Variants in PARD3 observed in about 807,000 individuals in gnomAD.
PARD3 encodes partitioning defective 3 homolog.
In PARD3, 75 loss-of-function variants were observed where a neutral mutation model predicts 155.4. The observed-to-expected ratio is 0.48, with a 90% CI of 0.40 to 0.58. PARD3 has a LOEUF of 0.58. Ranked by LOEUF, PARD3 falls within the 20% of genes least tolerant of loss-of-function variation. The pLI is 0.00. For missense variants in PARD3, 1,642 were observed against 1,721.7 expected (o/e 0.95, Z 0.82); for synonymous variants, 576 against 610.5 (o/e 0.94, Z 0.83).
intron 2 of PARD3, among the ~76,000 whole-genome samples, chr10:34,557,498 A>T (rs1436844064): frequency 1.3e-5 from 2 of 150,852 alleles, no homozygotes; most frequent in Admixed American, 1.3e-4. Context: ...TGTTTTTTTG[A>T]GATGGAGTTC....
At position 34,571,539 on chromosome 10, in the gene PARD3, A is replaced by G. The variant is rs545624904; in HGVS notation, c.223-54380T>C. Among the ~76,000 whole-genome samples the G allele has an allele frequency of 3.3e-5, 5 of 152,306 alleles. No individual in the cohort carries two copies. In the South Asian group the frequency reaches 1.0e-3, roughly 32 times the overall value. ...TAACCATTGCAAATCAGATACTATA[A>G]AACATAAAGTCACAAGGCTTCCTCT... On this transcript the variant is annotated intron_variant, in intron 2 of 24. Transcript: ENST00000374788.
At chr10:34,194,422 C>A (rs1950849305) in intron 22 of PARD3, among the ~76,000 whole-genome samples, 1 of 152,016 alleles carries the variant, frequency 6.6e-6, no homozygotes, top group Non-Finnish European at 1.5e-5. Flanking sequence ...CGTCCCTGTG[C>A]CTCACTCCTC....
At chr10:34,695,477 CAAA>C (rs60331770) in intron 2 of PARD3, among the ~76,000 whole-genome samples, 2 of 109,546 alleles carry the variant, frequency 1.8e-5, no homozygotes, top group Non-Finnish European at 1.8e-5. Context: ...GACTCCATCT[CAAA>C]AAAAAAAAAA....
At chr10:34,282,172 A>T (rs372360151) in intron 21 of PARD3, among the ~76,000 whole-genome samples, 1 of 148,770 alleles carries the variant, frequency 6.7e-6, no homozygotes, top group Non-Finnish European at 1.5e-5. Flanking sequence ...TACAAAATCC[A>T]TAAGTTTAAA....
chr10:34,323,427 T>C lies in PARD3; in HGVS notation c.2834-6089A>G, dbSNP rs117764622. On this transcript the variant is annotated intron_variant, in intron 19 of 24. Coordinates refer to ENST00000374788, the MANE Select transcript of PARD3 (RefSeq NM_001184785.2). ...CATGGGGTGAGAATAATAACTGATA[T>C]GATGAAGACTGTGAGGAGGTAAAAA... 2.8e-3 allele frequency among the ~76,000 whole-genome samples: 423 copies of C among 152,158 alleles called. 4 individuals are homozygous for C. The East Asian group carries it at 0.032, about 12-fold the overall frequency.
At chr10:34,598,900 C>T (rs962746971) in intron 2 of PARD3, among the ~76,000 whole-genome samples, 5 of 152,158 alleles carry the variant, frequency 3.3e-5, no homozygotes, top group Admixed American at 2.6e-4. Context: ...GATGGCCTTC[C>T]AGAGTCCAGC....
chr10:34,405,965 A>G (rs997370026), intron 5 of PARD3, among the ~76,000 whole-genome samples: 10 of 152,172 alleles, frequency 6.6e-5, no homozygotes, highest in African/African-American at 2.4e-4. Flanking sequence ...ATTGTCCACA[A>G]TGAAGACTTC....
chr10:34,632,686 T>C (rs557818096), intron 2 of PARD3, among the ~76,000 whole-genome samples: 1 of 152,226 alleles, frequency 6.6e-6, no homozygotes, highest in East Asian at 1.9e-4. Context: ...AAGAATCTTA[T>C]GCAGTCAAAA....
At chr10:34,792,315 C>A (rs1350734016) in intron 1 of PARD3, among the ~76,000 whole-genome samples, 1 of 152,112 alleles carries the variant, frequency 6.6e-6, no homozygotes, top group Non-Finnish European at 1.5e-5. Flanking sequence ...ACACTCCTGG[C>A]CTCAAGCGAC....
At chr10:34,562,350 T>A (rs1229086930) in intron 2 of PARD3, among the ~76,000 whole-genome samples, 1 of 151,850 alleles carries the variant, frequency 6.6e-6, no homozygotes, top group East Asian at 1.9e-4. Context: ...GGCAGGAGAA[T>A]CACTTGAACC....
intron 20 of PARD3, among the ~76,000 whole-genome samples, chr10:34,315,381 T>C (rs1009397232): frequency 5.9e-5 from 9 of 152,148 alleles, no homozygotes; most frequent in African/African-American, 2.2e-4. Flanking sequence ...AATTCTAAGA[T>C]ATTAGAAGTA....
At chr10:34,137,085 C>T (rs1333666776) in intron 22 of PARD3, among the ~76,000 whole-genome samples, 1 of 152,166 alleles carries the variant, frequency 6.6e-6, no homozygotes, top group African/African-American at 2.4e-5. Context: ...GTGGACAGAA[C>T]CCACACTTGC....
intron 2 of PARD3, among the ~76,000 whole-genome samples, chr10:34,532,424 T>C (rs76310878): frequency 0.013 from 2,014 of 152,296 alleles, 45 homozygotes; most frequent in African/African-American, 0.045. Flanking sequence ...TAGACAACTT[T>C]GCACCAGCTT....
chr10:34,686,210 G>C (rs2093952208), intron 2 of PARD3, among the ~76,000 whole-genome samples: 1 of 152,108 alleles, frequency 6.6e-6, no homozygotes, highest in African/African-American at 2.4e-5. Context: ...TTTACAGCTT[G>C]TAGCTCTGTG....
At chr10:34,325,396 A>G (rs1017173654) in intron 19 of PARD3, among the ~76,000 whole-genome samples, 3 of 152,126 alleles carry the variant, frequency 2.0e-5, no homozygotes, top group Admixed American at 6.5e-5. Context: ...CCTATGTTCC[A>G]TATTTCTCTG....
At chr10:34,240,337 G>C (rs769361699) in intron 22 of PARD3, among the ~76,000 whole-genome samples, 18 of 152,154 alleles carry the variant, frequency 1.2e-4, no homozygotes, top group Non-Finnish European at 2.1e-4. Context: ...GCAAATAACT[G>C]TATGTGTCTA....
chr10:34,116,423 T>A (rs896492190), intron 24 of PARD3, among the ~76,000 whole-genome samples: 1 of 152,194 alleles, frequency 6.6e-6, no homozygotes, highest in Non-Finnish European at 1.5e-5. Flanking sequence ...AGAGGTCAAG[T>A]GTCTTTGAAG....
chr10:34,794,872 A>C (rs1842079465), intron 1 of PARD3, among the ~76,000 whole-genome samples: 2 of 152,280 alleles, frequency 1.3e-5, no homozygotes, highest in South Asian at 4.1e-4. Flanking sequence ...TTGATGTTAT[A>C]TGTGATACAC....
chr10:34,635,743 C>T (rs2092446668), intron 2 of PARD3, among the ~76,000 whole-genome samples: 2 of 152,186 alleles, frequency 1.3e-5, no homozygotes, highest in African/African-American at 4.8e-5. Flanking sequence ...CAAGTGAGCA[C>T]CTACCGGTAT....
Sources: gnomAD v4.1 joint callset for allele counts (sites outside exome capture counted in the v4.1 genomes callset) on GRCh38, gnomAD v4.1.1 for gene constraint, MANE v1.5 for transcripts, NCBI Gene and HGNC (gene_info 2026-07-23, HGNC 2026-07-21) for gene names.